Variants in CAPS2 observed in about 807,000 individuals in gnomAD.
CAPS2 encodes the protein calcyphosin-2.
Under a neutral mutation model 86.5 loss-of-function variants are expected in CAPS2, and 98 were observed. The observed-to-expected ratio is 1.13, with a 90% CI of 0.96 to 1.34. The LOEUF (loss-of-function observed/expected upper bound fraction) is 1.34, where lower values mean the gene tolerates loss of function less well. Among genes scored for constraint, CAPS2 ranks in the 40% most tolerant of loss-of-function variants. The probability of loss-of-function intolerance (pLI) is 0.00; values close to 1 mark genes in which losing one functional copy is unlikely to be tolerated. For synonymous variants in CAPS2, 210 were observed against 225.1 expected, an observed-to-expected ratio of 0.93 and a Z score of 0.60; for missense variants, 729 against 686.8, an observed-to-expected ratio of 1.06 and a Z score of -0.69.
chr12:75,302,100 G>A (rs2037889339), intron 8 of CAPS2, among the ~76,000 whole-genome samples: 1 of 152,204 alleles, frequency 6.6e-6, no homozygotes, highest in Non-Finnish European at 1.5e-5. Context: ...ACAAAGGGGA[G>A]AGGAAGGGCT....
At chr12:75,289,517 G>A in intron 14 of CAPS2, 104 bp downstream of exon 14, 3 of 1,028,398 alleles carry the variant, frequency 2.9e-6, no homozygotes, top group Non-Finnish European at 4.2e-6. Context: ...AAAGGGCATA[G>A]AGAAGGAGAA....
At chr12:75,372,064 G>A (rs56977219) in intron 1 of CAPS2, among the ~76,000 whole-genome samples, 9,778 of 152,200 alleles carry the variant, frequency 0.064, 431 homozygotes, top group African/African-American at 0.13. Context: ...GCCCAGGCTG[G>A]AGTGCAGTGG....
chr12:75,370,186 T>C (rs756287444), intron 1 of CAPS2: 4 of 1,286,882 alleles, frequency 3.1e-6, no homozygotes, highest in South Asian at 1.2e-5. Context: ...ATGTCATTTA[T>C]ATACAAAAGA....
chr12:75,374,527 C>T (rs996247283), intron 1 of CAPS2, among the ~76,000 whole-genome samples: 3 of 152,218 alleles, frequency 2.0e-5, no homozygotes, highest in Admixed American at 1.3e-4. Context: ...CCCATCCCCT[C>T]GCATGCAAAT....
chr12:75,378,242 C>T (rs902084424), intron 1 of CAPS2, among the ~76,000 whole-genome samples: 1 of 152,114 alleles, frequency 6.6e-6, no homozygotes, highest in African/African-American at 2.4e-5. Flanking sequence ...CAAAGCAATC[C>T]ACCTGCCTCA....
exon 5 of CAPS2, chr12:75,321,460 T>G: frequency 6.5e-7 from 1 of 1,547,192 alleles, no homozygotes; most frequent in Non-Finnish European, 8.7e-7. Flanking sequence ...TTGTATTTTC[T>G]GCATTTCTCT....
chr12:75,316,291 G>A, intron 6 of CAPS2, 21 bp downstream of exon 6: 1 of 1,549,268 alleles, frequency 6.5e-7, no homozygotes, highest in Middle Eastern at 1.7e-4. Context: ...CACCAAATAA[G>A]TAAAAATGCT....
At chr12:75,276,272 G>A, downstream of CAPS2, 1 of 1,528,400 alleles carries the variant, frequency 6.5e-7, no homozygotes, top group Non-Finnish European at 8.8e-7. Context: ...AGTTTATCAG[G>A]GTACATGTTT....
intron 7 of CAPS2, among the ~76,000 whole-genome samples, chr12:75,305,292 G>C (rs11831200): frequency 1.3e-5 from 2 of 151,956 alleles, no homozygotes; most frequent in Non-Finnish European, 2.9e-5. Context: ...CTAGAAGACA[G>C]AGAGAAGAGT....
intron 7 of CAPS2, among the ~76,000 whole-genome samples, chr12:75,310,506 G>C (rs1279126601): frequency 2.0e-5 from 3 of 152,186 alleles, no homozygotes; most frequent in Admixed American, 1.3e-4. Flanking sequence ...CAAATGGCTA[G>C]AGGAGAATAG....
At chr12:75,346,704 A>T (rs1203953133) in intron 1 of CAPS2, among the ~76,000 whole-genome samples, 1 of 152,184 alleles carries the variant, frequency 6.6e-6, no homozygotes, top group East Asian at 1.9e-4. Flanking sequence ...TTTTGCTGGT[A>T]AATATTTTTT....
At chr12:75,311,523 T>C (rs1390516730) in intron 7 of CAPS2, among the ~76,000 whole-genome samples, 1 of 151,836 alleles carries the variant, frequency 6.6e-6, no homozygotes, top group Non-Finnish European at 1.5e-5. Context: ...AGAATATAGC[T>C]GGTTTTTAAA....
intron 16 of CAPS2, 99 bp from the exon 17 acceptor site, chr12:75,279,164 A>C: frequency 3.7e-6 from 4 of 1,095,446 alleles, no homozygotes; most frequent in Non-Finnish European, 5.2e-6. Context: ...AAATACTTTC[A>C]ACAATTTGAA....
At chr12:75,292,593 T>C (rs2036166010) in intron 12 of CAPS2, among the ~76,000 whole-genome samples, 1 of 145,742 alleles carries the variant, frequency 6.9e-6, no homozygotes, top group Admixed American at 6.9e-5. Flanking sequence ...AAATATATAT[T>C]ATATATACAT....
chr12:75,330,457 T>G (rs921309949), upstream of CAPS2, among the ~76,000 whole-genome samples: 2 of 152,254 alleles, frequency 1.3e-5, no homozygotes, highest in African/African-American at 4.8e-5. Flanking sequence ...CTAATTGAAT[T>G]CTGTTTAACA....
chr12:75,278,959 T>C (rs748217893), exon 17 of CAPS2: 1 of 1,611,162 alleles, frequency 6.2e-7, no homozygotes. Flanking sequence ...TACTTAAACC[T>C]TCATAGTAAT....
intron 11 of CAPS2, among the ~76,000 whole-genome samples, chr12:75,294,595 A>G (rs2036561789): frequency 1.3e-5 from 2 of 152,142 alleles, no homozygotes; most frequent in Non-Finnish European, 2.9e-5. Flanking sequence ...AGATATGAAA[A>G]GTTTGTTTTT....
In CAPS2 at chr12:75,323,175, A is replaced by T; in HGVS notation, c.177+2T>A. ...TTATATTAAATACTAAATAAAAATT[A>T]CCTCATCATCAGAGTCAACAAGGCT... On this transcript the variant is annotated splice_donor_variant, in intron 3 of 16. Coordinates refer to ENST00000393284, the Ensembl canonical transcript of CAPS2. LOFTEE classifies it high-confidence loss of function. 6.5e-7 allele frequency: 1 copy of T among 1,533,896 alleles called. No homozygotes were observed. The highest frequency in any genetic ancestry group is 1.4e-5 in the African/African-American group (1 of 72,752).
chr12:75,305,561 C>T lies in CAPS2; in HGVS notation c.660-685G>A, dbSNP rs183093630. On this transcript the variant is annotated intron_variant, in intron 7 of 16. Transcript: ENST00000393284. ...GGCGTTCCTCCGTCCGCGACCCTGG[C>T]AGAGCCGCAGAGCCCTCCTCCAGAC... 766 of 628,268 alleles carry T rather than the reference C, an allele frequency of 1.2e-3. 4 individuals carry two copies. In the African/African-American group the frequency reaches 0.013, roughly 10 times the overall value. 38.9% of individuals were successfully genotyped at this position (628,268 alleles called of 1,614,324 possible).
Sources: gnomAD v4.1 joint callset for allele counts (sites outside exome capture counted in the v4.1 genomes callset) on GRCh38, gnomAD v4.1.1 for gene constraint, MANE v1.5 for transcripts, NCBI Gene and HGNC (gene_info 2026-07-23, HGNC 2026-07-21) for gene names.